Variants in TRPC5 observed in about 807,000 individuals in gnomAD.
TRPC5 encodes the protein transient receptor potential cation channel subfamily C member 5, also known as short transient receptor potential channel 5.
Under a neutral mutation model 56.5 loss-of-function variants are expected in TRPC5, and 9 were observed. That is an observed-to-expected ratio of 0.16 (90% confidence interval 0.10 to 0.28). The LOEUF (loss-of-function observed/expected upper bound fraction) is 0.28, where lower values mean the gene tolerates loss of function less well. Among genes scored for constraint, TRPC5 ranks in the 10% least tolerant of loss-of-function variants. The pLI, the probability that TRPC5 is intolerant of heterozygous loss-of-function variation, is 1.00. For synonymous variants in TRPC5, 282 were observed against 278.5 expected, an observed-to-expected ratio of 1.01 and a Z score of -0.13; for missense variants, 469 against 748.9, an observed-to-expected ratio of 0.63 and a Z score of 4.36.
rs1334142980 is a variant in TRPC5 at position 111,950,212 on chromosome X, C to T, written c.378+1831G>A. The stretch of plus-strand genomic sequence containing the variant: ...TGGTGGCAGGCACCTGTAGTCCCAG[C>T]TACTCGGGAGGCTGAGGCAGGAGAA... On this transcript the variant is annotated intron_variant, in intron 2 of 10. Transcript: ENST00000262839. 5.4e-5 allele frequency among the ~76,000 whole-genome samples: 6 copies of T among 110,207 alleles called. No homozygotes were observed. The Admixed American group carries it at 5.8e-4, about 11-fold the overall frequency.
intron 1 of TRPC5, among the ~76,000 whole-genome samples, chrX:111,990,310 T>C (rs1928320447): frequency 9.2e-6 from 1 of 108,806 alleles, no homozygotes; most frequent in Non-Finnish European, 1.9e-5. Flanking sequence ...CCCAGATACA[T>C]GGGAGGCTGA....
intron 3 of TRPC5, 37 bp from the exon 4 acceptor site, chrX:111,854,143 G>T: frequency 8.7e-7 from 1 of 1,153,206 alleles, no homozygotes; most frequent in Middle Eastern, 2.6e-4. Context: ...CATCTGGAAT[G>T]TCCAGGAGAA....
At chrX:111,878,359 A>G (rs1156555358) in intron 3 of TRPC5, among the ~76,000 whole-genome samples, 1 of 111,392 alleles carries the variant, frequency 9.0e-6, no homozygotes, top group Non-Finnish European at 1.9e-5. Context: ...TTATTTCCTG[A>G]TTGCTTCAGT....
intron 3 of TRPC5, chrX:111,896,122 G>A: frequency 9.0e-6 from 1 of 110,886 alleles, no homozygotes; most frequent in Non-Finnish European, 1.9e-5. Context: ...CCTGCATTTT[G>A]GGCTTCTCAA....
intron 1 of TRPC5, among the ~76,000 whole-genome samples, chrX:111,956,251 G>GT (rs1927232942): frequency 8.9e-6 from 1 of 112,041 alleles, no homozygotes; most frequent in African/African-American, 3.2e-5. Flanking sequence ...GAGTGTCGTG[G>GT]TATCTGTGCA....
intron 2 of TRPC5, among the ~76,000 whole-genome samples, chrX:111,925,915 A>G (rs1459768156): frequency 2.7e-5 from 3 of 111,431 alleles, no homozygotes; most frequent in Non-Finnish European, 5.7e-5. Context: ...TGGGCCAGAT[A>G]ATAATTTGTT....
Position 111,776,238 on chromosome X carries a change from T to C in TRPC5, c.*75A>G, listed in dbSNP as rs1248527086. 2.0e-6 allele frequency: 2 copies of C among 1,015,747 alleles called. No individual in the cohort carries two copies. Among genetic ancestry groups the C allele is most frequent in the African/African-American group, 3.8e-5 (2 of 52,251 alleles). 83.7% of individuals were successfully genotyped at this position (1,015,747 alleles called of 1,213,427 possible). A position where few individuals can be genotyped will look rare whatever the true frequency, so the allele number is the denominator to read the frequency against. ...GGGGGCAGGGGCAGTGAGGGAATCATATTCTGTGTCACCTCTGAGAGCAAG... is the reference window on the plus strand; with the variant it reads ...GGGGGCAGGGGCAGTGAGGGAATCACATTCTGTGTCACCTCTGAGAGCAAG... On this transcript the variant is annotated 3_prime_UTR_variant, in exon 11 of 11. Transcript: ENST00000262839.
intron 2 of TRPC5, among the ~76,000 whole-genome samples, chrX:111,944,301 TGTGAGA>T (rs1406747438): frequency 9.5e-5 from 8 of 84,580 alleles, no homozygotes; most frequent in Admixed American, 3.7e-4. Context: ...TGTGTGTGTG[TGTGAGA>T]GAGAGAGAGA....
chrX:112,045,017 C>A lies in TRPC5; in HGVS notation c.-22+36862G>T, dbSNP rs369136029. Among the ~76,000 whole-genome samples, 35 of 112,327 alleles carry A rather than the reference C, an allele frequency of 3.1e-4. No homozygotes were observed. In the South Asian group the frequency reaches 0.013, roughly 42 times the overall value. On this transcript the variant is annotated intron_variant, in intron 1 of 10. Coordinates refer to ENST00000262839, the MANE Select transcript of TRPC5 (RefSeq NM_012471.3). ...TATTTTCTCATCTATAAATATTAATCTTTGCCTGCGTCACAAGGGTGGTAT... is the reference window on the plus strand; with the variant it reads ...TATTTTCTCATCTATAAATATTAATATTTGCCTGCGTCACAAGGGTGGTAT...
chrX:111,834,897 C>A, intron 7 of TRPC5, 24 bp downstream of exon 7: 1 of 1,164,077 alleles, frequency 8.6e-7, no homozygotes. Context: ...AAAGTAAGCA[C>A]GCTTGTAAAG....
chrX:112,068,086 C>T (rs1469735014), intron 1 of TRPC5, among the ~76,000 whole-genome samples: 1 of 112,251 alleles, frequency 8.9e-6, no homozygotes, highest in Non-Finnish European at 1.9e-5. Flanking sequence ...TAAATGGATG[C>T]TCTTTTCACC....
At chrX:111,855,370 C>T (rs1603058534) in intron 3 of TRPC5, among the ~76,000 whole-genome samples, 1 of 111,700 alleles carries the variant, frequency 9.0e-6, no homozygotes, top group East Asian at 2.8e-4. Context: ...ATGTGTGCTC[C>T]TCCATGTTCT....
At position 111,952,264 on chromosome X, in the gene TRPC5, G is replaced by T. The variant is rs757699174; in HGVS notation, c.157C>A (p.Gln53Lys). 7 of 1,210,374 alleles carry T rather than the reference G, an allele frequency of 5.8e-6. No homozygotes were observed. The East Asian group carries it at 1.8e-4, about 31-fold the overall frequency. ...GDYATVKQALQEAEIYYNVNI... is the reference protein window; with the variant it reads ...GDYATVKQALKEAEIYYNVNI... ...ACATTATAGTAGATCTCAGCCTCCT[G>T]AAGGGCCTGCTTCACAGTGGCATAG... Residue 53 changes from glutamine to lysine, a missense_variant, in exon 2 of 11, where the codon CAG becomes AAG. Around this residue, in one of 3 missense-constraint regions of TRPC5, gnomAD observed 118 missense variants for 167.1 expected, o/e 0.71. Transcript: ENST00000262839.
rs1356509940 is a variant in TRPC5 at position 111,912,830 on chromosome X, G to A, written c.379-18C>T. On this transcript the variant is annotated intron_variant, in intron 2 of 10. Coordinates refer to ENST00000262839, the MANE Select transcript of TRPC5 (RefSeq NM_012471.3). ...GTGGGGACCTAGGTACAAGAAATGA[G>A]AAGAATAGAAGGGCAGGATTAAAGT... 3 of 1,178,408 alleles carry A rather than the reference G, an allele frequency of 2.5e-6. No individual in the cohort carries two copies. Among genetic ancestry groups the A allele is most frequent in the African/African-American group, 3.5e-5 (2 of 56,630 alleles).
intron 5 of TRPC5, among the ~76,000 whole-genome samples, chrX:111,847,856 A>G (rs1205065157): frequency 9.0e-6 from 1 of 110,853 alleles, no homozygotes; most frequent in Non-Finnish European, 1.9e-5. Context: ...GTACTTCCTC[A>G]ATCCCTCACT....
chrX:111,938,468 A>T (rs1242726511), intron 2 of TRPC5, among the ~76,000 whole-genome samples: 1 of 111,064 alleles, frequency 9.0e-6, no homozygotes, highest in Non-Finnish European at 1.9e-5. Flanking sequence ...ATTCAGTATG[A>T]TATTGGCTGC....
At position 111,853,936 on chromosome X, in the gene TRPC5, C is replaced by T. The variant is rs374170663; in HGVS notation, c.1071G>A (p.Gly357=). 3.5e-5 allele frequency: 42 copies of T among 1,209,872 alleles called. No individual in the cohort carries two copies. In the African/African-American group the frequency reaches 7.2e-4, roughly 21 times the overall value. The change falls in exon 4 of 11, where the codon GGG becomes GGA. Residue 357 remains glycine (G), a synonymous_variant. Coordinates refer to ENST00000262839, the MANE Select transcript of TRPC5 (RefSeq NM_012471.3). ...AYLISPRSNL[G]LFIKKPFIKF... is the part of the protein sequence containing the mutation. ...TGATAAAGGGTTTCTTGATGAACAG[C>T]CCAAGGTTGCTCCTGGGTGAGATCA...
chrX:111,951,299 CT>C (rs1246539628), intron 2 of TRPC5, among the ~76,000 whole-genome samples: 1 of 111,644 alleles, frequency 9.0e-6, no homozygotes, highest in Non-Finnish European at 1.9e-5. Context: ...AGGGACCGCA[CT>C]TTAGGAACCA....
intron 6 of TRPC5, among the ~76,000 whole-genome samples, chrX:111,835,963 T>C (rs1383023931): frequency 2.7e-5 from 3 of 111,860 alleles, no homozygotes; most frequent in African/African-American, 9.8e-5. Flanking sequence ...TTAGGTACTT[T>C]TACATACATA....
Sources: gnomAD v4.1 joint callset for allele counts (sites outside exome capture counted in the v4.1 genomes callset) on GRCh38, gnomAD v4.1.1 for gene constraint, gnomAD v4.1.1 regional missense constraint, MANE v1.5 for transcripts, NCBI Gene and HGNC (gene_info 2026-07-23, HGNC 2026-07-21) for gene names.